EXOG: variants seen among roughly 807,000 people sequenced by gnomAD.
The protein encoded by EXOG is nuclease EXOG, mitochondrial.
In EXOG, 27 loss-of-function variants were observed where a neutral mutation model predicts 25.8. The observed-to-expected ratio is 1.05, with a 90% CI of 0.77 to 1.45. The LOEUF (loss-of-function observed/expected upper bound fraction) is 1.45. Among genes scored for constraint, EXOG ranks in the 40% most tolerant of loss-of-function variants. EXOG has a pLI of 0.00. For synonymous variants in EXOG, 133 were observed against 167.0 expected, an observed-to-expected ratio of 0.80 and a Z score of 1.57; for missense variants, 458 against 450.5, an observed-to-expected ratio of 1.02 and a Z score of -0.15.
intron 5 of EXOG, 47 bp downstream of exon 5, chr3:38,507,015 A>C: frequency 1.2e-6 from 1 of 814,748 alleles, no homozygotes; most frequent in East Asian, 2.6e-5. Flanking sequence ...ATGAGATTAT[A>C]ATCTCACTTT....
chr3:38,514,769 C>T lies in EXOG; in HGVS notation c.645+7801C>T, dbSNP rs566866868. The stretch of plus-strand genomic sequence containing the variant: ...ATCCCTCTTTTCCACCCTCCCCCCC[C>T]TCCCCCTGCTTTTTTTTTTGAGACG... On this transcript the variant is annotated intron_variant, in intron 5 of 5. Coordinates refer to ENST00000287675, the MANE Select transcript of EXOG (RefSeq NM_005107.4). 1.3e-4 allele frequency among the ~76,000 whole-genome samples: 15 copies of T among 116,392 alleles called. No individual in the cohort carries two copies. In the East Asian group the frequency reaches 2.3e-3, roughly 18 times the overall value. 76.4% of individuals were successfully genotyped at this position (116,392 alleles called of 152,430 possible).
intron 5 of EXOG, among the ~76,000 whole-genome samples, chr3:38,514,341 G>A (rs1246711475): frequency 6.6e-6 from 1 of 152,188 alleles, no homozygotes; most frequent in African/African-American, 2.4e-5. Flanking sequence ...TGGTAGAAAT[G>A]GTGAGAAGTG....
At chr3:38,516,953 G>A (rs2060563616) in intron 5 of EXOG, among the ~76,000 whole-genome samples, 1 of 152,198 alleles carries the variant, frequency 6.6e-6, no homozygotes, top group Non-Finnish European at 1.5e-5. Flanking sequence ...ATCAGGAGGT[G>A]CATAATATCA....
chr3:38,519,150 A>G (rs2060634223), intron 5 of EXOG: 1 of 152,262 alleles, frequency 6.6e-6, no homozygotes, highest in African/African-American at 2.4e-5. Context: ...AAAGGATCAC[A>G]TCATCATAGA....
chr3:38,496,364 C>G lies in EXOG; in HGVS notation c.-4C>G. ...CGTGGTAAAAGGCCGGTACCTCGGG[C>G]AAGATGGCTATCAAGAGTATCGCTT... On this transcript the variant is annotated 5_prime_UTR_variant, in exon 1 of 6. Transcript: ENST00000287675. 1.9e-6 allele frequency: 3 copies of G among 1,611,926 alleles called. No homozygotes were observed. The highest frequency in any genetic ancestry group is 2.5e-6 in the Non-Finnish European group (3 of 1,178,910).
At chr3:38,501,845 A>G (rs904001676) in intron 3 of EXOG, among the ~76,000 whole-genome samples, 28 of 152,192 alleles carry the variant, frequency 1.8e-4, no homozygotes, top group African/African-American at 6.8e-4. Context: ...TCCCAGGTTC[A>G]AGCAATTCCT....
intron 5 of EXOG, among the ~76,000 whole-genome samples, chr3:38,516,125 C>G (rs1484489749): frequency 6.6e-6 from 1 of 152,132 alleles, no homozygotes; most frequent in African/African-American, 2.4e-5. Flanking sequence ...ATGCAGTACT[C>G]TGTCATTTTT....
chr3:38,516,428 C>T (rs1429265823), intron 5 of EXOG, among the ~76,000 whole-genome samples: 1 of 152,074 alleles, frequency 6.6e-6, no homozygotes, highest in Non-Finnish European at 1.5e-5. Context: ...ATAAAAAGAA[C>T]TTCCCTGTAT....
intron 5 of EXOG, among the ~76,000 whole-genome samples, chr3:38,518,294 C>T (rs2060607913): frequency 6.6e-6 from 1 of 152,114 alleles, no homozygotes. Context: ...TTCAAATGAC[C>T]AGCTAAAAAG....
At chr3:38,505,954 G>GAA (rs75103485) in intron 4 of EXOG, among the ~76,000 whole-genome samples, 5 of 113,112 alleles carry the variant, frequency 4.4e-5, no homozygotes, top group Admixed American at 8.9e-5. Context: ...CGTCTCAAAA[G>GAA]AAAAAAAAAA....
chr3:38,524,054 GT>G lies in EXOG; in HGVS notation c.800del (p.Val267GlyfsTer6), dbSNP rs752184458. Reference sequence around the variant, plus strand: ...CCAGCCCCAGTTAACTGAATTCCAAGTGAGCCTCCAGGACCTAGAGAAGTTG... The same window carrying G: ...CCAGCCCCAGTTAACTGAATTCCAAGGAGCCTCCAGGACCTAGAGAAGTTG... ...GFQPQLTEFQ[V>X]SLQDLEKLSG... is the part of the protein sequence containing the mutation. On this transcript the variant is annotated frameshift_variant, in exon 6 of 6. Transcript: ENST00000287675. LOFTEE classifies it low-confidence loss of function (END_TRUNC). The G allele has an allele frequency of 1.9e-6, 3 of 1,614,200 alleles. No homozygotes were observed. The South Asian group carries it at 3.3e-5, about 18-fold the overall frequency.
chr3:38,502,522 A>G (rs760290618), intron 3 of EXOG, among the ~76,000 whole-genome samples: 2 of 152,198 alleles, frequency 1.3e-5, no homozygotes, highest in Non-Finnish European at 2.9e-5. Flanking sequence ...ACAAAGTTGC[A>G]GACATGTTTT....
At chr3:38,497,847 A>G in intron 2 of EXOG, 69 bp downstream of exon 2, 2 of 1,515,748 alleles carry the variant, frequency 1.3e-6, no homozygotes, top group Non-Finnish European at 8.9e-7. Context: ...TAAAACAGGG[A>G]TGATTATTAA....
At chr3:38,523,148 A>G in intron 5 of EXOG, 2 of 1,254,062 alleles carry the variant, frequency 1.6e-6, no homozygotes, top group Non-Finnish European at 2.1e-6. Context: ...AATTTCATAA[A>G]CTAAGGCCAT....
At chr3:38,504,253 C>T (rs532016402) in intron 4 of EXOG, among the ~76,000 whole-genome samples, 3 of 151,784 alleles carry the variant, frequency 2.0e-5, no homozygotes, top group Non-Finnish European at 4.4e-5. Context: ...TGTATCCCAG[C>T]TACTCAGGAG....
Position 38,525,681 on chromosome 3 carries a change from G to C in EXOG, c.*1319G>C. On this transcript the variant is annotated 3_prime_UTR_variant, in exon 6 of 6. Transcript: ENST00000287675. ...TCTGCAGCCAGGCATGGTGGCTCAG[G>C]CCTATAATCTCAGCACTTTGGGAAA... The C allele has an allele frequency of 2.1e-6, 2 of 968,482 alleles. No individual in the cohort carries two copies. The highest frequency in any genetic ancestry group is 1.2e-6 in the Non-Finnish European group (1 of 814,488). 60.0% of individuals were successfully genotyped at this position (968,482 alleles called of 1,614,324 possible).
intron 1 of EXOG, chr3:38,496,788 C>T (rs1356147124): frequency 4.8e-6 from 7 of 1,450,062 alleles, no homozygotes; most frequent in African/African-American, 1.4e-5. Context: ...CGACTTTCTT[C>T]CCCCCAGTTA....
chr3:38,498,827 A>T (rs2059966289), intron 2 of EXOG: 2 of 421,594 alleles, frequency 4.7e-6, no homozygotes. Context: ...GATGCTGGAG[A>T]AGTAAGCAGG....
At chr3:38,501,563 T>G in intron 3 of EXOG, 69 bp downstream of exon 3, 3 of 1,426,930 alleles carry the variant, frequency 2.1e-6, no homozygotes, top group Non-Finnish European at 2.9e-6. Flanking sequence ...AATTAGAGGT[T>G]TAAAAACCTA....
Sources: gnomAD v4.1 joint callset for allele counts (sites outside exome capture counted in the v4.1 genomes callset) on GRCh38, gnomAD v4.1.1 for gene constraint, MANE v1.5 for transcripts, NCBI Gene and HGNC (gene_info 2026-07-23, HGNC 2026-07-21) for gene names.